Variants in GRM7 observed in about 807,000 individuals in gnomAD.
GRM7 encodes glutamate metabotropic receptor 7, also known as metabotropic glutamate receptor 7.
A neutral mutation model predicts 84.5 loss-of-function variants in GRM7; 35 were observed. That is an observed-to-expected ratio of 0.41 (90% CI 0.32 to 0.55). The LOEUF (loss-of-function observed/expected upper bound fraction) is 0.55, where lower values mean the gene tolerates loss of function less well. Ranked by LOEUF, GRM7 falls within the 20% of genes least tolerant of loss-of-function variation. The pLI is 0.19. For missense variants in GRM7, 1,003 were observed against 1,194.6 expected, an observed-to-expected ratio of 0.84 and a Z score of 2.36; for synonymous variants, 487 against 455.1, an observed-to-expected ratio of 1.07 and a Z score of -0.89.
rs142363762 is a variant in GRM7, at chr3:7,041,505, A to C, written c.520-104947A>C. 4.8e-3 allele frequency among the ~76,000 whole-genome samples: 734 copies of C among 152,294 alleles called. 5 individuals are homozygous for C. The highest frequency in any genetic ancestry group is 0.017 in the African/African-American group (706 of 41,576). Reference sequence around the variant, plus strand: ...GTATTCCATTGTATGAACATACCACAATTTGTTTATTCTTTCAGCGCTTGC... The same window carrying C: ...GTATTCCATTGTATGAACATACCACCATTTGTTTATTCTTTCAGCGCTTGC... On this transcript the variant is annotated intron_variant, in intron 1 of 9. Coordinates refer to ENST00000357716, the MANE Select transcript of GRM7 (RefSeq NM_000844.4).
At chr3:7,567,043 C>T (rs1465438118) in intron 7 of GRM7, among the ~76,000 whole-genome samples, 3 of 152,160 alleles carry the variant, frequency 2.0e-5, no homozygotes, top group Admixed American at 1.3e-4. Context: ...GAAATCCGTT[C>T]TTGATGTATA....
At chr3:7,301,370 C>T (rs767443043) in intron 3 of GRM7, among the ~76,000 whole-genome samples, 21 of 152,156 alleles carry the variant, frequency 1.4e-4, no homozygotes, top group African/African-American at 4.1e-4. Context: ...CATAATATTA[C>T]TCTTTCTGTT....
chr3:6,973,190 T>TTTATTA (rs576247245), intron 1 of GRM7, among the ~76,000 whole-genome samples: 2 of 151,758 alleles, frequency 1.3e-5, no homozygotes, highest in Admixed American at 6.6e-5. Context: ...TTATGATGGT[T>TTTATTA]TTATTATTAT....
At chr3:7,034,941 G>A (rs563764099) in intron 1 of GRM7, among the ~76,000 whole-genome samples, 2 of 152,334 alleles carry the variant, frequency 1.3e-5, no homozygotes, top group South Asian at 2.1e-4. Context: ...GAAGGATCCC[G>A]AGGATGAAGG....
intron 7 of GRM7, among the ~76,000 whole-genome samples, chr3:7,541,874 G>T (rs1334778858): frequency 3.9e-5 from 6 of 152,154 alleles, no homozygotes; most frequent in African/African-American, 1.4e-4. Flanking sequence ...AAGGCTAGAA[G>T]TCCCAAATCA....
intron 1 of GRM7, among the ~76,000 whole-genome samples, chr3:6,954,887 G>A (rs891251729): frequency 1.3e-5 from 2 of 152,176 alleles, no homozygotes; most frequent in Non-Finnish European, 2.9e-5. Context: ...TATTGAGATT[G>A]GAGGGAGATG....
At chr3:7,483,064 G>A (rs969530699) in intron 7 of GRM7, among the ~76,000 whole-genome samples, 1 of 152,108 alleles carries the variant, frequency 6.6e-6, no homozygotes, top group Non-Finnish European at 1.5e-5. Flanking sequence ...AAGAGGTGAA[G>A]AATGAGTATC....
At chr3:6,973,335 G>A (rs1693839761) in intron 1 of GRM7, among the ~76,000 whole-genome samples, 2 of 151,896 alleles carry the variant, frequency 1.3e-5, no homozygotes, top group South Asian at 4.2e-4. Flanking sequence ...TTCCTTCTTA[G>A]CACCGATCTC....
intron 5 of GRM7, among the ~76,000 whole-genome samples, chr3:7,416,315 A>G (rs1458571995): frequency 6.6e-6 from 1 of 152,156 alleles, no homozygotes; most frequent in Non-Finnish European, 1.5e-5. Flanking sequence ...AGACCTCTTT[A>G]AACATCAGCC....
At chr3:7,719,270 C>T (rs896897327) in intron 9 of GRM7, among the ~76,000 whole-genome samples, 1 of 152,134 alleles carries the variant, frequency 6.6e-6, no homozygotes, top group South Asian at 2.1e-4. Context: ...TAAAATATTT[C>T]TTTATCCAAA....
chr3:7,455,065 A>G (rs1403118663), intron 6 of GRM7, among the ~76,000 whole-genome samples: 3 of 152,186 alleles, frequency 2.0e-5, no homozygotes, highest in Non-Finnish European at 2.9e-5. Context: ...TGAAGTGGTC[A>G]TGTTGAAAGG....
At chr3:7,461,516 C>A in intron 6 of GRM7, 67 bp from the exon 7 acceptor site, 1 of 1,302,662 alleles carries the variant, frequency 7.7e-7, no homozygotes, top group South Asian at 1.2e-5. Flanking sequence ...GCCTGTCACC[C>A]ATAGTACAAG....
At position 6,914,467 on chromosome 3, in the gene GRM7, G is replaced by A. The variant is rs139404877; in HGVS notation, c.519+52560G>A. 6.6e-4 allele frequency among the ~76,000 whole-genome samples: 101 copies of A among 152,008 alleles called. 1 individual carries two copies. In the East Asian group the frequency reaches 0.019, roughly 29 times the overall value. On this transcript the variant is annotated intron_variant, in intron 1 of 9. Transcript: ENST00000357716. ...CTCCCAGGCTGGAGTGAATGGCACT[G>A]TCTTGGCTCACTGCAACCTCTGCCT...
intron 1 of GRM7, among the ~76,000 whole-genome samples, chr3:6,950,095 T>A (rs139822385): frequency 9.2e-5 from 14 of 152,348 alleles, no homozygotes; most frequent in Admixed American, 2.6e-4. Flanking sequence ...CCTTTGCTGG[T>A]GAGGAGCTGC....
At chr3:7,736,038 C>G (rs543018285) in intron 9 of GRM7, among the ~76,000 whole-genome samples, 1 of 152,106 alleles carries the variant, frequency 6.6e-6, no homozygotes, top group African/African-American at 2.4e-5. Context: ...TCACACCCAC[C>G]AATGCTTGGT....
intron 9 of GRM7, among the ~76,000 whole-genome samples, chr3:7,725,228 C>T (rs1702081842): frequency 6.6e-6 from 1 of 152,142 alleles, no homozygotes; most frequent in East Asian, 1.9e-4. Flanking sequence ...GAAGGAGGGC[C>T]TCTCCAAGGA....
chr3:7,491,685 C>T (rs1699523482), intron 7 of GRM7, among the ~76,000 whole-genome samples: 1 of 152,160 alleles, frequency 6.6e-6, no homozygotes, highest in Non-Finnish European at 1.5e-5. Flanking sequence ...TGGATGCCAG[C>T]TCCTCTACAC....
chr3:6,894,268 C>CATTTGGAG (rs1329588265), intron 1 of GRM7, among the ~76,000 whole-genome samples: 2 of 152,060 alleles, frequency 1.3e-5, no homozygotes, highest in East Asian at 3.9e-4. Context: ...ATTGATATGA[C>CATTTGGAG]ATTTGGTCTG....
chr3:6,931,403 G>C (rs917590132), intron 1 of GRM7, among the ~76,000 whole-genome samples: 9 of 152,252 alleles, frequency 5.9e-5, no homozygotes, highest in Admixed American at 3.3e-4. Flanking sequence ...CTTGCTCTTA[G>C]TGCCCTTCTT....
Sources: gnomAD v4.1 joint callset for allele counts (sites outside exome capture counted in the v4.1 genomes callset) on GRCh38, gnomAD v4.1.1 for gene constraint, MANE v1.5 for transcripts, NCBI Gene and HGNC (gene_info 2026-07-23, HGNC 2026-07-21) for gene names.